Variants in PTPRN2 observed in about 807,000 individuals in gnomAD.
PTPRN2 encodes the protein receptor-type tyrosine-protein phosphatase N2.
PTPRN2 carries 74 observed loss-of-function variants against 118.8 expected under a neutral mutation model. The ratio of observed to expected loss-of-function variants is 0.62; its 90% CI spans 0.52 to 0.76. The LOEUF (loss-of-function observed/expected upper bound fraction) is 0.76. Among genes scored for constraint, PTPRN2 ranks in the 30% least tolerant of loss-of-function variants. The pLI is 0.00. For synonymous variants in PTPRN2, 641 were observed against 608.0 expected, an observed-to-expected ratio of 1.05 and a Z score of -0.80; for missense variants, 1,481 against 1,394.4, an observed-to-expected ratio of 1.06 and a Z score of -0.99.
intron 12 of PTPRN2, among the ~76,000 whole-genome samples, chr7:157,698,582 G>A (rs149395020): frequency 3.0e-4 from 46 of 152,312 alleles, no homozygotes; most frequent in African/African-American, 1.1e-3. Flanking sequence ...AATAGAAAAA[G>A]CCTCAAGGCT....
rs1347193489 is a variant in PTPRN2 at position 157,903,151 on chromosome 7, G to A, written c.1724-4414C>T. Among the ~76,000 whole-genome samples the A allele has an allele frequency of 6.6e-6, 1 of 152,094 alleles. No individual in the cohort carries two copies. The highest frequency in any genetic ancestry group is 6.6e-5 in the Admixed American group (1 of 15,264). ...CACACGCTGCCACACACTCTCGCAC[G>A]GAAGTGGGAACTACACTCATCAGAG... On this transcript the variant is annotated intron_variant, in intron 11 of 22. Coordinates refer to ENST00000389418, the MANE Select transcript of PTPRN2 (RefSeq NM_002847.5). The surrounding 1 kb of genome is among the most constrained non-coding windows in gnomAD (Gnocchi z 4.2).
At chr7:157,748,640 T>C (rs1471785442) in intron 12 of PTPRN2, among the ~76,000 whole-genome samples, 8 of 149,124 alleles carry the variant, frequency 5.4e-5, no homozygotes, top group Admixed American at 5.3e-4. Context: ...TTCTGATGCC[T>C]GCGTCCCTGA....
intron 3 of PTPRN2, among the ~76,000 whole-genome samples, chr7:158,258,573 CACCTCTGTGGAA>C (rs1417814594): frequency 6.6e-6 from 1 of 152,210 alleles, no homozygotes; most frequent in Non-Finnish European, 1.5e-5. Flanking sequence ...CATCAGATAC[CACCTCTGTGGAA>C]GGGTCTGTGT....
In PTPRN2 at chr7:157,576,764, C is replaced by G; in HGVS notation, c.2632G>C (p.Glu878Gln). 6.2e-7 allele frequency: 1 copy of G among 1,604,202 alleles called. No homozygotes were observed. The highest frequency in any genetic ancestry group is 8.5e-7 in the Non-Finnish European group (1 of 1,174,968). Residue 878 changes from glutamate to glutamine, a missense_variant, in exon 19 of 23, where the codon GAG becomes CAG. Coordinates refer to ENST00000389418, the MANE Select transcript of PTPRN2 (RefSeq NM_002847.5). ...AGGAAGTCCTCACACCAGATGTGCT[C>G]GGAGACCAGGTTCACCTGGCAGGGA... ...YHIYEVNLVS[E>Q]HIWCEDFLVR...
At chr7:157,645,389 G>A (rs1182697941) in intron 14 of PTPRN2, among the ~76,000 whole-genome samples, 1 of 152,222 alleles carries the variant, frequency 6.6e-6, no homozygotes, top group Non-Finnish European at 1.5e-5. Context: ...CTGGGACAGA[G>A]GTACCATGTC....
chr7:157,571,069 C>T (rs1181172489), intron 20 of PTPRN2, among the ~76,000 whole-genome samples: 1 of 152,056 alleles, frequency 6.6e-6, no homozygotes, highest in South Asian at 2.1e-4. Context: ...AATGGTGAAA[C>T]CTCGTCTCTA....
chr7:157,557,351 T>C (rs1798953918), intron 21 of PTPRN2, among the ~76,000 whole-genome samples: 1 of 151,886 alleles, frequency 6.6e-6, no homozygotes, highest in South Asian at 2.1e-4. Context: ...GCACATCCTT[T>C]ATACCTACAT....
chr7:157,728,017 G>A (rs540016942), intron 12 of PTPRN2, among the ~76,000 whole-genome samples: 3 of 152,240 alleles, frequency 2.0e-5, no homozygotes, highest in African/African-American at 4.8e-5. Flanking sequence ...CCCTGCAGAC[G>A]TCTGTGGGCT....
At chr7:157,612,567 G>T (rs1346680171) in intron 15 of PTPRN2, among the ~76,000 whole-genome samples, 8 of 152,168 alleles carry the variant, frequency 5.3e-5, no homozygotes, top group Admixed American at 2.6e-4. Flanking sequence ...TTTGTGGATC[G>T]GGGGCAGAAG....
chr7:157,907,349 C>T (rs925652595), intron 11 of PTPRN2, among the ~76,000 whole-genome samples: 8 of 151,076 alleles, frequency 5.3e-5, no homozygotes, highest in East Asian at 2.0e-4. Flanking sequence ...GCGGTGGTGT[C>T]TCCCTGTCCC....
At chr7:158,559,829 C>T (rs1827267503) in intron 1 of PTPRN2, among the ~76,000 whole-genome samples, 1 of 152,190 alleles carries the variant, frequency 6.6e-6, no homozygotes, top group Non-Finnish European at 1.5e-5. Context: ...CAAAATCCTC[C>T]CAGCTGTTGT....
At chr7:157,659,509 C>T (rs887969987) in intron 13 of PTPRN2, among the ~76,000 whole-genome samples, 5 of 150,334 alleles carry the variant, frequency 3.3e-5, no homozygotes, top group South Asian at 2.1e-4. Context: ...CGGGCAGAGA[C>T]GCACAGGGGA....
At position 158,186,822 on chromosome 7, in the gene PTPRN2, G is replaced by A. The variant is rs79705266; in HGVS notation, c.549+5505C>T. On this transcript the variant is annotated intron_variant, in intron 5 of 22. Coordinates refer to ENST00000389418, the MANE Select transcript of PTPRN2 (RefSeq NM_002847.5). ...TTGCTTGTTTTCTCCCTCCTACCCAGCAAAACTGTAAAATCCTAAAGGACA... is the reference window on the plus strand; with the variant it reads ...TTGCTTGTTTTCTCCCTCCTACCCAACAAAACTGTAAAATCCTAAAGGACA... 4.3e-3 allele frequency among the ~76,000 whole-genome samples: 648 copies of A among 152,312 alleles called. 15 individuals are homozygous for A. In the East Asian group the frequency reaches 0.06, roughly 14 times the overall value.
chr7:157,979,269 CTTAAG>C (rs1802962727), intron 11 of PTPRN2, among the ~76,000 whole-genome samples: 1 of 152,206 alleles, frequency 6.6e-6, no homozygotes, highest in African/African-American at 2.4e-5. Flanking sequence ...GAGGACATTG[CTTAAG>C]TTATCAGGGA....
intron 2 of PTPRN2, among the ~76,000 whole-genome samples, chr7:158,440,808 GGTGGTAGTA>G (rs1409979204): frequency 4.1e-5 from 4 of 98,012 alleles, no homozygotes; most frequent in East Asian, 2.3e-4. Flanking sequence ...TAGTGGTGAT[GGTGGTAGTA>G]GTAGTGGTGG....
intron 11 of PTPRN2, among the ~76,000 whole-genome samples, chr7:158,054,080 G>GAGA: frequency 6.6e-6 from 1 of 151,896 alleles, no homozygotes; most frequent in African/African-American, 2.4e-5. Context: ...AGAGACCCCA[G>GAGA]TGATGCAGAG....
intron 1 of PTPRN2, among the ~76,000 whole-genome samples, chr7:158,553,225 G>A (rs1826777966): frequency 6.6e-6 from 1 of 150,414 alleles, no homozygotes; most frequent in East Asian, 2.0e-4. Context: ...AATAGGCTTT[G>A]GAGTCTACAC....
chr7:157,681,109 T>G (rs1474184603), intron 13 of PTPRN2, among the ~76,000 whole-genome samples: 1 of 152,220 alleles, frequency 6.6e-6, no homozygotes, highest in Non-Finnish European at 1.5e-5. Flanking sequence ...CAGTTTTTTT[T>G]TCAAATTAGT....
chr7:158,192,113 C>A (rs1036009857), intron 5 of PTPRN2, among the ~76,000 whole-genome samples: 2 of 152,200 alleles, frequency 1.3e-5, no homozygotes, highest in African/African-American at 4.8e-5. Flanking sequence ...CAGAGCCTCA[C>A]CCAGAGGACT....
Sources: gnomAD v4.1 joint callset for allele counts (sites outside exome capture counted in the v4.1 genomes callset) on GRCh38, gnomAD v4.1.1 for gene constraint, Gnocchi (gnomAD v3.1) non-coding constraint, MANE v1.5 for transcripts, NCBI Gene and HGNC (gene_info 2026-07-23, HGNC 2026-07-21) for gene names.